Variants in ZFPM1 observed in about 807,000 individuals in gnomAD.
ZFPM1 encodes zinc finger protein ZFPM1.
Under a neutral mutation model 46.3 loss-of-function variants are expected in ZFPM1, and 28 were observed. That is an observed-to-expected ratio of 0.60 (90% CI 0.45 to 0.83). ZFPM1 has a LOEUF of 0.83. Ranked by LOEUF, ZFPM1 falls within the 40% of genes least tolerant of loss-of-function variation. The pLI is 0.00. For synonymous variants in ZFPM1, 957 were observed against 675.9 expected, an observed-to-expected ratio of 1.42 and a Z score of -6.45; for missense variants, 1,878 against 1,432.4, an observed-to-expected ratio of 1.31 and a Z score of -5.02.
At chr16:88,485,509 G>A (rs1016225997) in intron 1 of ZFPM1, among the ~76,000 whole-genome samples, 2 of 150,978 alleles carry the variant, frequency 1.3e-5, no homozygotes, top group East Asian at 2.0e-4. Context: ...GTGCAATCGC[G>A]GCTCACTGCA....
At chr16:88,500,557 C>T (rs1040039697) in intron 3 of ZFPM1, among the ~76,000 whole-genome samples, 7 of 152,238 alleles carry the variant, frequency 4.6e-5, no homozygotes, top group African/African-American at 1.7e-4. Flanking sequence ...CTGGTGCTGT[C>T]GCTGTCACTC....
At chr16:88,453,143 C>T (rs1393587434), upstream of ZFPM1, among the ~76,000 whole-genome samples, 1 of 127,496 alleles carries the variant, frequency 7.8e-6, no homozygotes, top group East Asian at 2.6e-4. Flanking sequence ...CTGGCGGGGG[C>T]GTGGCCGCGG....
chr16:88,458,803 C>T (rs1907671269), intron 1 of ZFPM1, among the ~76,000 whole-genome samples: 1 of 152,184 alleles, frequency 6.6e-6, no homozygotes, highest in Non-Finnish European at 1.5e-5. Flanking sequence ...CAGGTCTGCT[C>T]TCCAGACCTC....
In ZFPM1 at chr16:88,534,857, C is replaced by T; in HGVS notation, c.2899C>T (p.Pro967Ser). 6.4e-7 allele frequency: 1 copy of T among 1,564,742 alleles called. No individual in the cohort carries two copies. The highest frequency in any genetic ancestry group is 1.4e-5 in the African/African-American group (1 of 71,368). Residue 967 changes from proline to serine, a missense_variant, in exon 10 of 10, where the codon CCG becomes TCG. Pro to Ser is a moderately conservative substitution (Grantham distance 74). Coordinates refer to ENST00000319555, the MANE Select transcript of ZFPM1 (RefSeq NM_153813.3). Reference protein sequence around the residue: ...VQTPSKGTPAPLPNGNHRYCR... With the variant: ...VQTPSKGTPASLPNGNHRYCR... Reference sequence around the variant, plus strand: ...GACTCCCAGCAAGGGCACGCCGGCGCCGCTGCCCAACGGCAACCACCGGTA... The same window carrying T: ...GACTCCCAGCAAGGGCACGCCGGCGTCGCTGCCCAACGGCAACCACCGGTA...
intron 6 of ZFPM1, among the ~76,000 whole-genome samples, chr16:88,530,251 C>G (rs1326114009): frequency 6.6e-6 from 1 of 152,176 alleles, no homozygotes; most frequent in African/African-American, 2.4e-5. Flanking sequence ...CGTCCTCCAG[C>G]AGGGTCCTTG....
intron 6 of ZFPM1, among the ~76,000 whole-genome samples, chr16:88,529,964 G>A (rs1912655935): frequency 6.6e-6 from 1 of 152,184 alleles, no homozygotes; most frequent in Non-Finnish European, 1.5e-5. Flanking sequence ...GTTGGGGGCA[G>A]GGGCTGGGCA....
rs113668967 is a variant in ZFPM1 at position 88,472,386 on chromosome 16, G to A, written c.41-13553G>A. On this transcript the variant is annotated intron_variant, in intron 1 of 9. Coordinates refer to ENST00000319555, the MANE Select transcript of ZFPM1 (RefSeq NM_153813.3). ...TTTTTTTTTTTTGAGACTGAGTCTC[G>A]CTGTGTCGCCAGGCTGGAGTACAGT... Among the ~76,000 whole-genome samples the A allele has an allele frequency of 1.6e-4, 23 of 144,204 alleles. 1 individual carries two copies. The highest frequency in any genetic ancestry group is 4.7e-4 in the African/African-American group (18 of 38,352). 94.6% of individuals were successfully genotyped at this position (144,204 alleles called of 152,430 possible).
intron 3 of ZFPM1, among the ~76,000 whole-genome samples, chr16:88,491,605 G>A (rs150235793): frequency 8.3e-4 from 126 of 152,206 alleles, no homozygotes; most frequent in Admixed American, 1.3e-3. Context: ...TCATCCTCCT[G>A]TTCTCCAGAC....
Position 88,534,864 on chromosome 16 carries a change from C to T in ZFPM1, c.2906C>T (p.Pro969Leu). ...TPSKGTPAPL[P>L]NGNHRYCRLC... The stretch of plus-strand genomic sequence containing the variant: ...AGCAAGGGCACGCCGGCGCCGCTGC[C>T]CAACGGCAACCACCGGTACTGCCGT... The change falls in exon 10 of 10, where the codon CCC (proline) becomes CTC (leucine). Residue 969 changes from proline (P) to leucine (L), a missense_variant. Physicochemically the swap from Pro to Leu is moderately conservative, Grantham distance 98 (BLOSUM62 -3). Coordinates refer to ENST00000319555, the MANE Select transcript of ZFPM1 (RefSeq NM_153813.3). 1.3e-6 allele frequency: 2 copies of T among 1,567,202 alleles called. No homozygotes were observed. Among genetic ancestry groups the T allele is most frequent in the Admixed American group, 3.6e-5 (2 of 55,310 alleles).
intron 6 of ZFPM1, chr16:88,530,360 A>C (rs1912693974): frequency 6.6e-6 from 1 of 152,290 alleles, no homozygotes; most frequent in Non-Finnish European, 1.5e-5. Flanking sequence ...CGGGTCTGAC[A>C]TGCCTCATCC....
At chr16:88,496,413 C>T (rs1909932941) in intron 3 of ZFPM1, among the ~76,000 whole-genome samples, 1 of 152,054 alleles carries the variant, frequency 6.6e-6, no homozygotes, top group African/African-American at 2.4e-5. Context: ...AGGCTCAGCC[C>T]TGGCCTGTGC....
rs575400824 is a variant in ZFPM1, at chr16:88,487,678, G to A, written c.146-1353G>A. ...TCCCAGTCTGAGTGTCAGGGTCCCC[G>A]CTGGGTGGGCCGCGGCCCCAAGAGC... On this transcript the variant is annotated intron_variant, in intron 2 of 9. Transcript: ENST00000319555. Among the ~76,000 whole-genome samples the A allele has an allele frequency of 9.9e-5, 15 of 152,246 alleles. No individual in the cohort carries two copies. In the East Asian group the frequency reaches 1.4e-3, roughly 14 times the overall value.
intron 1 of ZFPM1, among the ~76,000 whole-genome samples, chr16:88,478,139 G>C (rs541168203): frequency 2.0e-5 from 3 of 152,324 alleles, no homozygotes; most frequent in South Asian, 4.2e-4. Context: ...GGGCAGGACC[G>C]ATGGGGGAGG....
rs1015603278 is a variant in ZFPM1, at chr16:88,534,229, C to T, written c.2271C>T (p.Pro757=). 1 of 986,582 alleles carries T rather than the reference C, an allele frequency of 1.0e-6. No individual in the cohort carries two copies. The highest frequency in any genetic ancestry group is 1.2e-6 in the Non-Finnish European group (1 of 832,492). The allele number at this position is 986,582 out of a possible 1,614,324, so 61.1% of individuals were successfully genotyped here. Residue 757 remains proline, a synonymous_variant, in exon 10 of 10, where the codon CCC becomes CCT. Coordinates refer to ENST00000319555, the MANE Select transcript of ZFPM1 (RefSeq NM_153813.3). ...YELHAAGAPP[P]PPPGHAPAPE... ...TGCACGCGGCCGGCGCCCCGCCCCC[C>T]CCGCCGCCCGGCCACGCCCCCGCGC...
intron 6 of ZFPM1, among the ~76,000 whole-genome samples, chr16:88,531,584 C>T (rs1912786913): frequency 6.6e-6 from 1 of 152,346 alleles, no homozygotes; most frequent in South Asian, 2.1e-4. Context: ...CTGGCACTCC[C>T]ACGCACCTGC....
chr16:88,477,175 G>A (rs1409088204), intron 1 of ZFPM1, among the ~76,000 whole-genome samples: 1 of 152,234 alleles, frequency 6.6e-6, no homozygotes, highest in Non-Finnish European at 1.5e-5. Flanking sequence ...GAGAGAAGCG[G>A]GCACAGTTCA....
intron 4 of ZFPM1, 80 bp from the exon 5 acceptor site, chr16:88,526,734 G>T: frequency 6.9e-7 from 1 of 1,458,898 alleles, no homozygotes. Flanking sequence ...CCGTGTCACA[G>T]ATGCCCCACA....
rs1913257933 is a variant in ZFPM1, at chr16:88,536,656, C to CT, written c.*1678dup. The CT allele has an allele frequency of 6.6e-6, 1 of 152,334 alleles. No homozygotes were observed. The highest frequency in any genetic ancestry group is 1.5e-5 in the Non-Finnish European group (1 of 68,098). 9.4% of individuals were successfully genotyped at this position (152,334 alleles called of 1,614,324 possible). ...GGGTCTGCAGCGCTTTCAGTGGTCT[C>CT]TGATGTCTTTGTCCACCTGCCCACT... On this transcript the variant is annotated 3_prime_UTR_variant, in exon 10 of 10. Transcript: ENST00000319555.
upstream of ZFPM1, among the ~76,000 whole-genome samples, chr16:88,452,605 C>G (rs145981469): frequency 6.6e-6 from 1 of 152,386 alleles, no homozygotes; most frequent in Non-Finnish European, 1.5e-5. Flanking sequence ...CCGCTCCACA[C>G]CCCAAGTCTG....
Sources: gnomAD v4.1 joint callset for allele counts (sites outside exome capture counted in the v4.1 genomes callset) on GRCh38, gnomAD v4.1.1 for gene constraint, MANE v1.5 for transcripts, NCBI Gene and HGNC (gene_info 2026-07-23, HGNC 2026-07-21) for gene names.